The following FBRSL1 variants were observed in gnomAD, a reference collection of about 807,000 sequenced individuals.
FBRSL1 encodes the protein fibrosin like 1.
In FBRSL1, 51 loss-of-function variants were observed where a neutral mutation model predicts 89.6. The observed-to-expected ratio is 0.57, with a 90% CI of 0.45 to 0.72. The LOEUF (loss-of-function observed/expected upper bound fraction) is 0.72, where lower values mean the gene tolerates loss of function less well. Ranked by LOEUF, FBRSL1 falls within the 30% of genes least tolerant of loss-of-function variation. FBRSL1 has a pLI of 0.00. For synonymous variants in FBRSL1, 779 were observed against 681.1 expected (o/e 1.14, Z -2.24); for missense variants, 1,618 against 1,451.8 (o/e 1.11, Z -1.86).
intron 1 of FBRSL1, among the ~76,000 whole-genome samples, chr12:132,505,522 G>A (rs1004373609): frequency 2.2e-4 from 33 of 152,226 alleles, no homozygotes; most frequent in African/African-American, 8.0e-4. Context: ...AGGAGCGGGG[G>A]TGACCACGCT....
At chr12:132,494,776 G>A (rs1343167828) in intron 1 of FBRSL1, among the ~76,000 whole-genome samples, 4 of 152,178 alleles carry the variant, frequency 2.6e-5, no homozygotes, top group South Asian at 2.1e-4. Context: ...CACGGGCCAC[G>A]CAGAAGGTCC....
intron 2 of FBRSL1, chr12:132,509,618 C>A: frequency 8.1e-7 from 1 of 1,231,810 alleles, no homozygotes; most frequent in Non-Finnish European, 1.0e-6. Context: ...CACGGTCCCT[C>A]CTGGTCCCCT....
rs1352460289 is a variant in FBRSL1 at position 132,503,421 on chromosome 12, G to GA, written c.292-4726dup. Among the ~76,000 whole-genome samples, 5 of 152,376 alleles carry GA rather than the reference G, an allele frequency of 3.3e-5. 1 individual carries two copies. Among genetic ancestry groups the GA allele is most frequent in the African/African-American group, 9.6e-5 (4 of 41,598 alleles). On this transcript the variant is annotated intron_variant, in intron 1 of 18. Coordinates refer to ENST00000680143, the MANE Select transcript of FBRSL1 (RefSeq NM_001367871.1). ...GGTGCGTGATGTGGGGTCCCCATCA[G>GA]AAAAAACCGGCCAAGGCGACATTGG...
At chr12:132,528,585 C>CG (rs1414917204) in intron 4 of FBRSL1, among the ~76,000 whole-genome samples, 2 of 142,144 alleles carry the variant, frequency 1.4e-5, no homozygotes, top group African/African-American at 2.6e-5. Flanking sequence ...GTGTGTTTCC[C>CG]GGGGGGAGCG....
At chr12:132,562,191 C>G (rs1323118022) in intron 5 of FBRSL1, among the ~76,000 whole-genome samples, 2 of 152,170 alleles carry the variant, frequency 1.3e-5, no homozygotes, top group South Asian at 4.1e-4. Flanking sequence ...ATGGGAGCCA[C>G]ACTTCTGGGG....
At chr12:132,512,242 C>T (rs1204937061) in intron 2 of FBRSL1, among the ~76,000 whole-genome samples, 1 of 152,266 alleles carries the variant, frequency 6.6e-6, no homozygotes, top group East Asian at 1.9e-4. Flanking sequence ...GCCTGGGGGG[C>T]ACCCATCCCC....
At chr12:132,498,793 G>A (rs560613387) in intron 1 of FBRSL1, among the ~76,000 whole-genome samples, 3 of 152,330 alleles carry the variant, frequency 2.0e-5, no homozygotes, top group South Asian at 4.1e-4. Context: ...GAGCCATCAG[G>A]TGCTGGTGTC....
chr12:132,570,137 G>T lies in FBRSL1; in HGVS notation c.903G>T (p.Pro301=). The change falls in exon 7 of 19, where the codon CCG becomes CCT. Residue 301 remains proline, a synonymous_variant. Coordinates refer to ENST00000680143, the MANE Select transcript of FBRSL1 (RefSeq NM_001367871.1). The part of the protein sequence containing the change: ...PPAPHRHTPQ[P]PPPQPRGLLP... ...CCCCGCACCGCCACACCCCGCAGCC[G>T]CCACCCCCGCAGCCCCGCGGCCTGC... 6 of 1,473,630 alleles carry T rather than the reference G, an allele frequency of 4.1e-6. No homozygotes were observed. The highest frequency in any genetic ancestry group is 4.5e-6 in the Non-Finnish European group (5 of 1,121,402). 91.3% of individuals were successfully genotyped at this position (1,473,630 alleles called of 1,614,324 possible). A position where few individuals can be genotyped will look rare whatever the true frequency, so the allele number is the denominator to read the frequency against.
intron 5 of FBRSL1, among the ~76,000 whole-genome samples, chr12:132,549,262 A>G (rs2037950129): frequency 6.6e-6 from 1 of 152,086 alleles, no homozygotes; most frequent in African/African-American, 2.4e-5. Context: ...TCCAGCCACG[A>G]TGTCCCTGCC....
At chr12:132,575,920 G>A (rs1317201736) in intron 14 of FBRSL1, among the ~76,000 whole-genome samples, 1 of 152,238 alleles carries the variant, frequency 6.6e-6, no homozygotes, top group Non-Finnish European at 1.5e-5. Context: ...GGACAGTGGG[G>A]TCTTGTTTGG....
intron 4 of FBRSL1, among the ~76,000 whole-genome samples, chr12:132,540,454 C>T (rs2037165075): frequency 6.6e-6 from 1 of 151,202 alleles, no homozygotes; most frequent in African/African-American, 2.4e-5. Flanking sequence ...CACCTACCCA[C>T]CCTGGCCCGG....
chr12:132,562,750 G>A (rs1276292075), intron 5 of FBRSL1, among the ~76,000 whole-genome samples: 2 of 152,114 alleles, frequency 1.3e-5, no homozygotes, highest in Non-Finnish European at 2.9e-5. Context: ...GTGTGGGTGT[G>A]GCAGGCCCGC....
At chr12:132,512,504 C>T (rs534900430) in intron 2 of FBRSL1, among the ~76,000 whole-genome samples, 66 of 152,340 alleles carry the variant, frequency 4.3e-4, no homozygotes, top group African/African-American at 1.4e-3. Flanking sequence ...TCAGAGTCAC[C>T]CACACAAGCC....
intron 5 of FBRSL1, 54 bp downstream of exon 5, chr12:132,548,086 T>C (rs2037849551): frequency 6.5e-7 from 1 of 1,545,036 alleles, no homozygotes; most frequent in Admixed American, 2.0e-5. Context: ...CCTTCCCTGC[T>C]GACCTTGGCC....
intron 1 of FBRSL1, among the ~76,000 whole-genome samples, chr12:132,503,946 AC>A (rs1288499634): frequency 6.6e-6 from 1 of 151,538 alleles, no homozygotes; most frequent in Non-Finnish European, 1.5e-5. Flanking sequence ...ATCCGAGAAG[AC>A]CCCTGGGGGC....
At chr12:132,510,012 C>G (rs923403658) in intron 2 of FBRSL1, 2 of 1,231,510 alleles carry the variant, frequency 1.6e-6, no homozygotes, top group African/African-American at 1.6e-5. Flanking sequence ...GCAGCCCCAG[C>G]GGTTAGTGGA....
intron 5 of FBRSL1, among the ~76,000 whole-genome samples, chr12:132,556,809 C>T (rs1195388442): frequency 7.6e-6 from 1 of 132,132 alleles, no homozygotes; most frequent in Middle Eastern, 3.7e-3. Flanking sequence ...GCACCCCCCT[C>T]CACCCACCCC....
At chr12:132,517,905 G>A (rs1340235351) in intron 2 of FBRSL1, among the ~76,000 whole-genome samples, 1 of 152,170 alleles carries the variant, frequency 6.6e-6, no homozygotes, top group Non-Finnish European at 1.5e-5. Flanking sequence ...CTTGAATTAG[G>A]TCATTCTTCT....
intron 4 of FBRSL1, among the ~76,000 whole-genome samples, 164 bp downstream of exon 4, chr12:132,528,152 G>A (rs2035957507): frequency 6.6e-6 from 1 of 152,122 alleles, no homozygotes; most frequent in Admixed American, 6.5e-5. Context: ...CATGGGGTTG[G>A]TGGGGGGTGG....
Sources: allele counts gnomAD v4.1 joint callset (sites outside exome capture counted in the v4.1 genomes callset), GRCh38; gene constraint gnomAD v4.1.1; transcripts MANE v1.5; gene names NCBI Gene and HGNC (gene_info 2026-07-23, HGNC 2026-07-21).